FSBP: variants seen among roughly 807,000 people sequenced by gnomAD.
FSBP encodes fibrinogen silencer-binding protein.
In FSBP, 18 loss-of-function variants were observed where a neutral mutation model predicts 24.6. The ratio of observed to expected loss-of-function variants is 0.73; its 90% confidence interval spans 0.51 to 1.08. FSBP has a LOEUF of 1.08. FSBP is among the 50% of genes least tolerant of loss of function. The pLI, the probability that FSBP is intolerant of heterozygous loss-of-function variation, is 0.00. For synonymous variants in FSBP, 110 were observed against 125.8 expected, an observed-to-expected ratio of 0.87 and a Z score of 0.84; for missense variants, 305 against 347.6, an observed-to-expected ratio of 0.88 and a Z score of 0.98.
intron 1 of FSBP, among the ~76,000 whole-genome samples, chr8:94,434,830 G>T (rs999101463): frequency 6.6e-6 from 1 of 151,328 alleles, no homozygotes; most frequent in African/African-American, 2.4e-5. Flanking sequence ...TAAGCCATAG[G>T]TATAGAAATG....
Position 94,430,790 on chromosome 8 carries a change from G to A in FSBP, c.*1341C>T, listed in dbSNP as rs749286123. 133 of 985,194 alleles carry A rather than the reference G, an allele frequency of 1.3e-4. No individual in the cohort carries two copies. Among genetic ancestry groups the A allele is most frequent in the Non-Finnish European group, 1.4e-4 (117 of 829,846 alleles). 61.0% of individuals were successfully genotyped at this position (985,194 alleles called of 1,614,324 possible). The stretch of plus-strand genomic sequence containing the variant: ...AAATGCAGATTTCTGGTTTATCCCC[G>A]CATGTGAAAATTCTGCTGGAGCTAA... On this transcript the variant is annotated 3_prime_UTR_variant, in exon 2 of 2. Coordinates refer to ENST00000481490, the MANE Select transcript of FSBP (RefSeq NM_001256141.2).
rs957159906 is a variant in FSBP at position 94,427,916 on chromosome 8, G to A, written c.*4215C>T. 3.2e-6 allele frequency: 3 copies of A among 923,686 alleles called. No individual in the cohort carries two copies. The highest frequency in any genetic ancestry group is 3.7e-5 in the African/African-American group (2 of 53,928). 57.2% of individuals were successfully genotyped at this position (923,686 alleles called of 1,614,324 possible). Reference sequence around the variant, plus strand: ...TTTCACATAAGTAAAGATAGAACAGGGTAGAATGACTCCTTAAAAAAAAAA... The same window carrying A: ...TTTCACATAAGTAAAGATAGAACAGAGTAGAATGACTCCTTAAAAAAAAAA... On this transcript the variant is annotated 3_prime_UTR_variant, in exon 2 of 2. Coordinates refer to ENST00000481490, the MANE Select transcript of FSBP (RefSeq NM_001256141.2).
rs1812059376 is a variant in FSBP, at chr8:94,430,341, T to C, written c.*1790A>G. 1 of 978,660 alleles carries C rather than the reference T, an allele frequency of 1.0e-6. No homozygotes were observed. Among genetic ancestry groups the C allele is most frequent in the Admixed American group, 6.2e-5 (1 of 16,194 alleles). The allele number at this position is 978,660 out of a possible 1,614,324, so 60.6% of individuals were successfully genotyped here. ...AAAAAAAAAAAAGTATTTAATGTAA[T>C]TCATAATCTGGTATCAACCATCATC... is the stretch of plus-strand genomic sequence containing the variant. On this transcript the variant is annotated 3_prime_UTR_variant, in exon 2 of 2. Coordinates refer to ENST00000481490, the MANE Select transcript of FSBP (RefSeq NM_001256141.2).
rs1437537925 is a variant in FSBP, at chr8:94,428,861, GA to G, written c.*3269del. ...AAAAAAGTCTCAATACAAAAAAGAA[GA>G]AAAAAAAAGGTTTGGTTCCAAATTA... On this transcript the variant is annotated 3_prime_UTR_variant, in exon 2 of 2. Transcript: ENST00000481490. The G allele has an allele frequency of 4.1e-6, 4 of 980,520 alleles. No homozygotes were observed. Among genetic ancestry groups the G allele is most frequent in the Admixed American group, 6.3e-5 (1 of 15,926 alleles). 60.7% of individuals were successfully genotyped at this position (980,520 alleles called of 1,614,324 possible).
chr8:94,436,688 G>C lies in FSBP; in HGVS notation c.181C>G (p.Pro61Ala). 2 of 1,550,568 alleles carry C rather than the reference G, an allele frequency of 1.3e-6. No individual in the cohort carries two copies. Among genetic ancestry groups the C allele is most frequent in the Non-Finnish European group, 1.7e-6 (2 of 1,146,966 alleles). The stretch of plus-strand genomic sequence containing the variant: ...CGTAGGCCCTGTGCTGTTCGAGGAG[G>C]GCGGTCTACTCCAATTGCATTATAG... ...VNYNAIGVDR[P>A]PRTAQGLRTL... Residue 61 changes from proline (P) to alanine (A), a missense_variant, in exon 1 of 2, where the codon CCT becomes GCT. Physicochemically the swap from Pro to Ala is conservative, Grantham distance 27 (BLOSUM62 -1). Coordinates refer to ENST00000481490, the MANE Select transcript of FSBP (RefSeq NM_001256141.2).
In FSBP at chr8:94,432,471, A is replaced by G; in HGVS notation, c.560T>C (p.Val187Ala). Residue 187 changes from valine (V) to alanine (A), a missense_variant, in exon 2 of 2, where the codon GTT becomes GCT. Transcript: ENST00000481490. ...EQREEHELVH[V>A]MERSLSPSLS... The stretch of plus-strand genomic sequence containing the variant: ...TGAAGGCGACAAGGATCTTTCCATA[A>G]CATGTACTAATTCATGTTCTTCTCT... 1.3e-6 allele frequency: 2 copies of G among 1,550,496 alleles called. No homozygotes were observed. The highest frequency in any genetic ancestry group is 1.7e-6 in the Non-Finnish European group (2 of 1,146,868).
rs199657611 is a variant in FSBP at position 94,435,187 on chromosome 8, T to C, written c.374+1308A>G. Among the ~76,000 whole-genome samples the C allele has an allele frequency of 2.0e-5, 3 of 152,172 alleles. No individual in the cohort carries two copies. The East Asian group carries it at 5.8e-4, about 29-fold the overall frequency. On this transcript the variant is annotated intron_variant, in intron 1 of 1. Coordinates refer to ENST00000481490, the MANE Select transcript of FSBP (RefSeq NM_001256141.2). ...TTTACTGCGTAGTTTTCTGGATATC[T>C]AGCTATTGGGATTTCATCATTTGTC...
At chr8:94,433,492 T>A (rs1454315817) in intron 1 of FSBP, among the ~76,000 whole-genome samples, 3 of 152,080 alleles carry the variant, frequency 2.0e-5, no homozygotes, top group Non-Finnish European at 4.4e-5. Context: ...TAATGGCCTA[T>A]ACAGATATAT....
Position 94,428,934 on chromosome 8 carries a change from T to C in FSBP, c.*3197A>G. 2 of 984,076 alleles carry C rather than the reference T, an allele frequency of 2.0e-6. No homozygotes were observed. The highest frequency in any genetic ancestry group is 1.2e-6 in the Non-Finnish European group (1 of 828,718). 61.0% of individuals were successfully genotyped at this position (984,076 alleles called of 1,614,324 possible). On this transcript the variant is annotated 3_prime_UTR_variant, in exon 2 of 2. Coordinates refer to ENST00000481490, the MANE Select transcript of FSBP (RefSeq NM_001256141.2). ...AATAAACAGCCTCGGAAAAGGATTCTATGGTCAAATAAATAATTTTCTTTA... is the reference window on the plus strand; with the variant it reads ...AATAAACAGCCTCGGAAAAGGATTCCATGGTCAAATAAATAATTTTCTTTA...
At position 94,429,238 on chromosome 8, in the gene FSBP, A is replaced by C; in HGVS notation, c.*2893T>G. 3.5e-6 allele frequency: 2 copies of C among 570,296 alleles called. No individual in the cohort carries two copies. Among genetic ancestry groups the C allele is most frequent in the Non-Finnish European group, 4.4e-6 (2 of 451,024 alleles). The allele number at this position is 570,296 out of a possible 1,614,324, so 35.3% of individuals were successfully genotyped here. The stretch of plus-strand genomic sequence containing the variant: ...ACTAAAGAAAAAGCAATCTTAAACA[A>C]TGCTGCAGAAAAATATGATTGTAGC... On this transcript the variant is annotated 3_prime_UTR_variant, in exon 2 of 2. Coordinates refer to ENST00000481490, the MANE Select transcript of FSBP (RefSeq NM_001256141.2).
rs1812121138 is a variant in FSBP at position 94,432,331 on chromosome 8, G to A, written c.700C>T (p.Gln234Ter). Residue 234 changes from glutamine to a stop codon, truncating the protein, a stop_gained, in exon 2 of 2, where the codon CAG becomes TAG. Transcript: ENST00000481490. LOFTEE classifies it high-confidence loss of function. Reference protein sequence around the residue: ...HFRSLLGYDPQILQMLKEEHQ... With the variant: ...HFRSLLGYDP The stretch of plus-strand genomic sequence containing the variant: ...TCCTCTTTCAACATTTGCAGGATCT[G>A]AGGATCATACCCTAATAGTGACCTA... The A allele has an allele frequency of 5.8e-6, 9 of 1,550,290 alleles. No individual in the cohort carries two copies. Among genetic ancestry groups the A allele is most frequent in the East Asian group, 2.4e-5 (1 of 40,898 alleles).
At position 94,432,513 on chromosome 8, in the gene FSBP, CT is replaced by C. The variant is rs753019711; in HGVS notation, c.517del (p.Ser173ValfsTer4). 3 of 1,550,644 alleles carry C rather than the reference CT, an allele frequency of 1.9e-6. No homozygotes were observed. Among genetic ancestry groups the C allele is most frequent in the Non-Finnish European group, 2.6e-6 (3 of 1,146,890 alleles). On this transcript the variant is annotated frameshift_variant, in exon 2 of 2. Transcript: ENST00000481490. LOFTEE classifies it high-confidence loss of function. ...PPPLVLNSQQ[S>X]DTLEQREEHE... ...TTCTTCTCTTTGCTCTAAAGTATCA[CT>C]CTGTTGAGAATTTAAAACCAGTGGA...
intron 1 of FSBP, among the ~76,000 whole-genome samples, chr8:94,433,142 T>C (rs940528442): frequency 6.6e-6 from 1 of 152,148 alleles, no homozygotes; most frequent in Non-Finnish European, 1.5e-5. Flanking sequence ...AGGCCATCTA[T>C]GGGAGGTACT....
rs200271478 is a variant in FSBP, at chr8:94,432,125, A to T, written c.*6T>A. On this transcript the variant is annotated 3_prime_UTR_variant, in exon 2 of 2. Coordinates refer to ENST00000481490, the MANE Select transcript of FSBP (RefSeq NM_001256141.2). The stretch of plus-strand genomic sequence containing the variant: ...AATTATCAAATTGCAAGATTGAAAA[A>T]AAAACTTAGAGACTGTTATATTCAG... 5.3e-6 allele frequency: 8 copies of T among 1,509,402 alleles called. No individual in the cohort carries two copies. The highest frequency in any genetic ancestry group is 7.1e-6 in the Non-Finnish European group (8 of 1,131,432). 93.5% of individuals were successfully genotyped at this position (1,509,402 alleles called of 1,614,324 possible).
In FSBP at chr8:94,430,333, T is replaced by C; in HGVS notation, c.*1798A>G. The C allele has an allele frequency of 1.0e-6, 1 of 977,008 alleles. No homozygotes were observed. Among genetic ancestry groups the C allele is most frequent in the Non-Finnish European group, 1.2e-6 (1 of 822,782 alleles). The allele number at this position is 977,008 out of a possible 1,614,324, so 60.5% of individuals were successfully genotyped here. On this transcript the variant is annotated 3_prime_UTR_variant, in exon 2 of 2. Transcript: ENST00000481490. Reference sequence around the variant, plus strand: ...CTCAAAAAAAAAAAAAAAAAGTATTTAATGTAATTCATAATCTGGTATCAA... The same window carrying C: ...CTCAAAAAAAAAAAAAAAAAGTATTCAATGTAATTCATAATCTGGTATCAA...
At position 94,430,673 on chromosome 8, in the gene FSBP, A is replaced by G; in HGVS notation, c.*1458T>C. On this transcript the variant is annotated 3_prime_UTR_variant, in exon 2 of 2. Coordinates refer to ENST00000481490, the MANE Select transcript of FSBP (RefSeq NM_001256141.2). ...CCACAAAGTGGAAGCCCAATGGCTC[A>G]GTGAGGCCCACTCACATGTTGTCTG... 3 of 778,590 alleles carry G rather than the reference A, an allele frequency of 3.9e-6. No individual in the cohort carries two copies. Among genetic ancestry groups the G allele is most frequent in the Non-Finnish European group, 4.7e-6 (3 of 641,152 alleles). 48.2% of individuals were successfully genotyped at this position (778,590 alleles called of 1,614,324 possible).
rs1812280537 is a variant in FSBP, at chr8:94,436,920, G to T, written c.-52C>A. ...TTCTGAAACCACCATGCAGCCTTCA[G>T]CTCTGCTCAGCTCTTTTCACAAACA... On this transcript the variant is annotated 5_prime_UTR_variant, in exon 1 of 2. It adds an upstream start codon to the 5' untranslated region. Coordinates refer to ENST00000481490, the MANE Select transcript of FSBP (RefSeq NM_001256141.2). 1.8e-5 allele frequency: 26 copies of T among 1,459,982 alleles called. No homozygotes were observed. Among genetic ancestry groups the T allele is most frequent in the Non-Finnish European group, 2.3e-5 (26 of 1,109,212 alleles). The allele number at this position is 1,459,982 out of a possible 1,614,324, so 90.4% of individuals were successfully genotyped here. A position where few individuals can be genotyped will look rare whatever the true frequency, so the allele number is the denominator to read the frequency against.
chr8:94,435,869 A>G (rs1289017312), intron 1 of FSBP, among the ~76,000 whole-genome samples: 1 of 152,174 alleles, frequency 6.6e-6, no homozygotes, highest in Non-Finnish European at 1.5e-5. Flanking sequence ...TTTTAATTTT[A>G]TTAAGTAAAC....
chr8:94,428,174 T>C lies in FSBP; in HGVS notation c.*3957A>G, dbSNP rs1028487784. The C allele has an allele frequency of 2.4e-6, 2 of 839,164 alleles. No homozygotes were observed. Among genetic ancestry groups the C allele is most frequent in the Non-Finnish European group, 2.9e-6 (2 of 696,798 alleles). The allele number at this position is 839,164 out of a possible 1,614,324, so 52.0% of individuals were successfully genotyped here. A position where few individuals can be genotyped will look rare whatever the true frequency, so the allele number is the denominator to read the frequency against. On this transcript the variant is annotated 3_prime_UTR_variant, in exon 2 of 2. Transcript: ENST00000481490. ...CTATCTAAATTACTAATATATTGGATGAAATAATCTATATACTTAGTATAT... is the reference window on the plus strand; with the variant it reads ...CTATCTAAATTACTAATATATTGGACGAAATAATCTATATACTTAGTATAT...
Sources: allele counts gnomAD v4.1 joint callset (sites outside exome capture counted in the v4.1 genomes callset), GRCh38; gene constraint gnomAD v4.1.1; transcripts MANE v1.5; gene names NCBI Gene and HGNC (gene_info 2026-07-23, HGNC 2026-07-21).